The following SDK2 variants were observed in gnomAD, a reference collection of about 807,000 sequenced individuals.
The protein encoded by SDK2 is protein sidekick-2.
Under a neutral mutation model 253.9 loss-of-function variants are expected in SDK2, and 105 were observed. That is an observed-to-expected ratio of 0.41 (90% CI 0.35 to 0.49). The LOEUF (loss-of-function observed/expected upper bound fraction) is 0.49, where lower values mean the gene tolerates loss of function less well. Ranked by LOEUF, SDK2 falls within the 20% of genes least tolerant of loss-of-function variation. The probability of loss-of-function intolerance (pLI) is 0.06; values close to 1 mark genes in which losing one functional copy is unlikely to be tolerated. For missense variants in SDK2, 2,608 were observed against 3,003.0 expected (o/e 0.87, Z 3.07); for synonymous variants, 1,249 against 1,234.9 (o/e 1.01, Z -0.24).
At chr17:73,423,546 G>A (rs938781987) in intron 13 of SDK2, 24 bp from the exon 14 acceptor site, 1 of 1,524,230 alleles carries the variant, frequency 6.6e-7, no homozygotes, top group Non-Finnish European at 8.8e-7. Flanking sequence ...ACGTGGTCAG[G>A]CATCCCTATG....
At position 73,455,876 on chromosome 17, in the gene SDK2, C is replaced by T. The variant is rs1298760630; in HGVS notation, c.479+30G>A. Reference sequence around the variant, plus strand: ...ACCTCCTCCCCCAGACACCCCTCCCCTCCCCGTCCCCTCAGAGCGATGCAC... The same window carrying T: ...ACCTCCTCCCCCAGACACCCCTCCCTTCCCCGTCCCCTCAGAGCGATGCAC... On this transcript the variant is annotated intron_variant, in intron 4 of 44. Transcript: ENST00000392650. The surrounding 1 kb of genome is among the most constrained non-coding windows in gnomAD (Gnocchi z 5.0). 11 of 1,520,434 alleles carry T rather than the reference C, an allele frequency of 7.2e-6. No individual in the cohort carries two copies. The highest frequency in any genetic ancestry group is 9.7e-6 in the Non-Finnish European group (11 of 1,135,004). 94.2% of individuals were successfully genotyped at this position (1,520,434 alleles called of 1,614,324 possible).
At chr17:73,345,026 CAGAA>C (rs2062470782) in intron 44 of SDK2, among the ~76,000 whole-genome samples, 2 of 152,154 alleles carry the variant, frequency 1.3e-5, no homozygotes. Flanking sequence ...AGGAAAGAAA[CAGAA>C]AGACTTGGCC....
In SDK2 at chr17:73,338,320, A is replaced by G. The variant is rs1227747147; in HGVS notation, c.*267T>C. 2 of 613,770 alleles carry G rather than the reference A, an allele frequency of 3.3e-6. No individual in the cohort carries two copies. The highest frequency in any genetic ancestry group is 6.1e-6 in the Non-Finnish European group (2 of 328,846). The allele number at this position is 613,770 out of a possible 1,614,324, so 38.0% of individuals were successfully genotyped here. ...CCGTGTCCATAGCAGTGACACAGCC[A>G]CTTCCCCAGCTCCGTGTAATTCCCA... On this transcript the variant is annotated 3_prime_UTR_variant, in exon 45 of 45. Coordinates refer to ENST00000392650, the MANE Select transcript of SDK2 (RefSeq NM_001144952.2). The surrounding 1 kb of genome is among the most constrained non-coding windows in gnomAD (Gnocchi z 5.0).
intron 1 of SDK2, among the ~76,000 whole-genome samples, chr17:73,614,617 GA>G (rs1382891436): frequency 1.5e-5 from 1 of 66,314 alleles, no homozygotes; most frequent in African/African-American, 8.7e-5. Flanking sequence ...CGGAGGGAGG[GA>G]GGAGCACAAG....
chr17:73,640,858 G>A (rs1449080369), intron 1 of SDK2, among the ~76,000 whole-genome samples: 1 of 152,112 alleles, frequency 6.6e-6, no homozygotes, highest in Non-Finnish European at 1.5e-5. Context: ...AGAAACTTCT[G>A]GAGCAGCTGG....
At chr17:73,503,647 A>G (rs1311639168) in intron 2 of SDK2, among the ~76,000 whole-genome samples, 3 of 152,082 alleles carry the variant, frequency 2.0e-5, no homozygotes, top group Non-Finnish European at 4.4e-5. Flanking sequence ...TCTAACCACC[A>G]CTCTTTTCCC....
chr17:73,390,852 CT>C (rs2062922273), intron 28 of SDK2, among the ~76,000 whole-genome samples: 1 of 152,234 alleles, frequency 6.6e-6, no homozygotes, highest in Non-Finnish European at 1.5e-5. Flanking sequence ...CCCACTCTGT[CT>C]TGGGGATGTG....
intron 2 of SDK2, among the ~76,000 whole-genome samples, chr17:73,501,580 G>A (rs577725489): frequency 3.3e-5 from 5 of 152,330 alleles, no homozygotes; most frequent in Admixed American, 6.5e-5. Context: ...GGCTGGTTTC[G>A]AAATGGATAA....
At chr17:73,504,974 G>A (rs2063923695) in intron 2 of SDK2, among the ~76,000 whole-genome samples, 1 of 152,148 alleles carries the variant, frequency 6.6e-6, no homozygotes, top group Non-Finnish European at 1.5e-5. Flanking sequence ...CTGCATTCAG[G>A]CACACCGTTG....
chr17:73,517,619 G>T (rs1427409674), intron 1 of SDK2: 2 of 152,242 alleles, frequency 1.3e-5, no homozygotes, highest in African/African-American at 4.8e-5. Context: ...CTGGCCTCCA[G>T]AACTGTGAGA....
intron 18 of SDK2, among the ~76,000 whole-genome samples, chr17:73,407,991 G>A (rs1357773393): frequency 4.6e-5 from 7 of 150,678 alleles, no homozygotes; most frequent in South Asian, 2.1e-4. Flanking sequence ...AGAGACAGCC[G>A]GACTTTGTGC....
rs1461019493 is a variant in SDK2 at position 73,402,050 on chromosome 17, G to T, written c.2576C>A (p.Ser859Tyr). The change falls in exon 19 of 45, where the codon TCT becomes TAT. Residue 859 changes from serine to tyrosine, a missense_variant. Around this residue, in one of 2 missense-constraint regions of SDK2, gnomAD observed 1,505 missense variants for 1,859.1 expected, o/e 0.81. Transcript: ENST00000392650. ...GTACTCGGTGAACTTCTTCAGGCCAGACACGAAGCCCACGTGGATGCTGTC... is the reference window on the plus strand; with the variant it reads ...GTACTCGGTGAACTTCTTCAGGCCATACACGAAGCCCACGTGGATGCTGTC... ...FQDSIHVGFV[S>Y]GLKKFTEYFT... is the part of the protein sequence containing the mutation. 6.2e-7 allele frequency: 1 copy of T among 1,613,910 alleles called. No homozygotes were observed.
chr17:73,561,315 G>C (rs572945834), intron 1 of SDK2, among the ~76,000 whole-genome samples: 7 of 152,180 alleles, frequency 4.6e-5, no homozygotes, highest in African/African-American at 1.7e-4. Flanking sequence ...CAGCACAGAT[G>C]ATGACGAGAC....
intron 18 of SDK2, among the ~76,000 whole-genome samples, chr17:73,405,498 ATATATATATATATATATAT>A (rs2063067623): frequency 9.9e-6 from 1 of 100,954 alleles, no homozygotes; most frequent in African/African-American, 3.6e-5. Context: ...ATATATATAT[ATATATATATATATATATAT>A]AAAGATCGAG....
intron 31 of SDK2, 79 bp downstream of exon 31, chr17:73,386,365 CT>C (rs1599509194): frequency 1.9e-6 from 2 of 1,031,124 alleles, no homozygotes; most frequent in East Asian, 5.2e-5. Context: ...TTGGAGGCCC[CT>C]CCCCCCGTAA....
chr17:73,413,926 T>C (rs1198536789), intron 18 of SDK2, among the ~76,000 whole-genome samples: 5 of 152,114 alleles, frequency 3.3e-5, no homozygotes, highest in Non-Finnish European at 5.9e-5. Flanking sequence ...TGGAGTCGAG[T>C]ACAGCCTGGG....
Position 73,431,298 on chromosome 17 carries a change from C to T in SDK2, c.1480+204G>A, listed in dbSNP as rs150026168. ...TCAAGTCGGCCAAGCATAGCATCAC[C>T]GGCAGAATCTTCCTAGTCCCTGGCC... is the stretch of plus-strand genomic sequence containing the variant. On this transcript the variant is annotated intron_variant, in intron 11 of 44. Transcript: ENST00000392650. The surrounding 1 kb of genome is among the most constrained non-coding windows in gnomAD (Gnocchi z 5.6). 2.2e-4 allele frequency among the ~76,000 whole-genome samples: 34 copies of T among 152,290 alleles called. No individual in the cohort carries two copies. In the East Asian group the frequency reaches 4.0e-3, roughly 18 times the overall value.
In SDK2 at chr17:73,435,390, A is replaced by G; in HGVS notation, c.1195+60T>C. 2.0e-6 allele frequency: 3 copies of G among 1,482,906 alleles called. No individual in the cohort carries two copies. Among genetic ancestry groups the G allele is most frequent in the South Asian group, 1.3e-5 (1 of 75,224 alleles). The allele number at this position is 1,482,906 out of a possible 1,614,324, so 91.9% of individuals were successfully genotyped here. A position where few individuals can be genotyped will look rare whatever the true frequency, so the allele number is the denominator to read the frequency against. ...CAAGAGGCCCCTCGGAAGACCTTGG[A>G]AGAAAGCTGCGTCCTGGGAAGAGGG... On this transcript the variant is annotated intron_variant, in intron 9 of 44. Coordinates refer to ENST00000392650, the MANE Select transcript of SDK2 (RefSeq NM_001144952.2). This position sits in a 1 kb window ranked among gnomAD's most constrained non-coding sequence, Gnocchi z 5.7.
At chr17:73,494,820 G>A (rs2063830923) in intron 2 of SDK2, among the ~76,000 whole-genome samples, 1 of 152,218 alleles carries the variant, frequency 6.6e-6, no homozygotes, top group African/African-American at 2.4e-5. Flanking sequence ...AAGCAGGAGG[G>A]GGCCTCCCAG....
Sources: gnomAD v4.1 joint callset for allele counts (sites outside exome capture counted in the v4.1 genomes callset) on GRCh38, gnomAD v4.1.1 for gene constraint, gnomAD v4.1.1 regional missense constraint, Gnocchi (gnomAD v3.1) non-coding constraint, MANE v1.5 for transcripts, NCBI Gene and HGNC (gene_info 2026-07-23, HGNC 2026-07-21) for gene names.